The following KNCN variants were observed in gnomAD, a reference collection of about 807,000 sequenced individuals.
The protein encoded by KNCN is kinocilin.
A neutral mutation model predicts 10.4 loss-of-function variants in KNCN; 11 were observed. The observed-to-expected ratio is 1.06, with a 90% CI of 0.67 to 1.75. The LOEUF is 1.75. Among genes scored for constraint, KNCN ranks in the 40% most tolerant of loss-of-function variants. The pLI, the probability that KNCN is intolerant of heterozygous loss-of-function variation, is 0.00. For missense variants in KNCN, 172 were observed against 167.1 expected (o/e 1.03, Z -0.16); for synonymous variants, 67 against 71.6 (o/e 0.94, Z 0.33).
At chr1:46,548,800 A>G (rs1667001243) in intron 3 of KNCN, among the ~76,000 whole-genome samples, 1 of 152,180 alleles carries the variant, frequency 6.6e-6, no homozygotes, top group South Asian at 2.1e-4. Flanking sequence ...CATGCCGCTC[A>G]AGGCTCCCGG....
chr1:46,547,895 A>C, intron 3 of KNCN, 86 bp from the exon 4 acceptor site: 2 of 1,000,940 alleles, frequency 2.0e-6, no homozygotes, highest in Non-Finnish European at 2.8e-6. Context: ...GAGGGACCCA[A>C]GGCCGGGGTG....
At chr1:46,549,359 G>T in intron 2 of KNCN, 92 bp from the exon 3 acceptor site, 1 of 862,008 alleles carries the variant, frequency 1.2e-6, no homozygotes, top group Non-Finnish European at 1.8e-6. Context: ...TTGCTATCTA[G>T]TCTCCATCCC....
chr1:46,546,195 T>C lies in KNCN; in HGVS notation c.*1535A>G, dbSNP rs570143981. ...CCTGGCTGCAGGCCTGGCCCCGTGATCTTTCACCATGGGACTCGATGAGTC... is the reference window on the plus strand; with the variant it reads ...CCTGGCTGCAGGCCTGGCCCCGTGACCTTTCACCATGGGACTCGATGAGTC... On this transcript the variant is annotated 3_prime_UTR_variant, in exon 4 of 4. Coordinates refer to ENST00000481882, the MANE Select transcript of KNCN (RefSeq NM_001322255.2). The C allele has an allele frequency of 1.3e-5, 2 of 152,316 alleles. No homozygotes were observed. The highest frequency in any genetic ancestry group is 4.1e-4 in the South Asian group (2 of 4,826). The allele number at this position is 152,316 out of a possible 1,614,324, so 9.4% of individuals were successfully genotyped here. A position where few individuals can be genotyped will look rare whatever the true frequency, so the allele number is the denominator to read the frequency against.
Sources: allele counts gnomAD v4.1 joint callset (sites outside exome capture counted in the v4.1 genomes callset), GRCh38; gene constraint gnomAD v4.1.1; transcripts MANE v1.5; gene names NCBI Gene and HGNC (gene_info 2026-07-23, HGNC 2026-07-21).